STIM1: variants seen among roughly 807,000 people sequenced by gnomAD.
The protein encoded by STIM1 is stromal interaction molecule 1.
STIM1 carries 25 observed loss-of-function variants against 74.7 expected under a neutral mutation model. The ratio of observed to expected loss-of-function variants is 0.33; its 90% CI spans 0.24 to 0.47. The LOEUF (loss-of-function observed/expected upper bound fraction) is 0.47, where lower values mean the gene tolerates loss of function less well. Among genes scored for constraint, STIM1 ranks in the 20% least tolerant of loss-of-function variants. STIM1 has a pLI of 1.00. For synonymous variants in STIM1, 328 were observed against 348.8 expected (o/e 0.94, Z 0.66); for missense variants, 728 against 920.8 (o/e 0.79, Z 2.71).
intron 3 of STIM1, among the ~76,000 whole-genome samples, chr11:4,029,321 G>A (rs2094027280): frequency 6.6e-6 from 1 of 152,046 alleles, no homozygotes; most frequent in Non-Finnish European, 1.5e-5. Context: ...TAGTACAGCA[G>A]GTTCCTGAAT....
chr11:3,890,073 T>C (rs191112422), intron 1 of STIM1, among the ~76,000 whole-genome samples: 1 of 152,328 alleles, frequency 6.6e-6, no homozygotes, highest in African/African-American at 2.4e-5. Context: ...GACAGTTTCA[T>C]GAGTGTTACT....
At chr11:3,886,507 T>A (rs1281285034) in intron 1 of STIM1, among the ~76,000 whole-genome samples, 1 of 150,554 alleles carries the variant, frequency 6.6e-6, no homozygotes, top group African/African-American at 2.5e-5. Flanking sequence ...GATAACATGG[T>A]GAAACCCTGT....
At chr11:3,906,178 T>C (rs576486263) in intron 1 of STIM1, among the ~76,000 whole-genome samples, 6 of 152,376 alleles carry the variant, frequency 3.9e-5, no homozygotes, top group African/African-American at 1.4e-4. Context: ...ATTGCTGAGC[T>C]GTAGGATGCA....
rs556467467 is a variant in STIM1 at position 3,881,712 on chromosome 11, CT to C, written c.139+25304del. On this transcript the variant is annotated intron_variant, in intron 1 of 12. Transcript: ENST00000526596. ...TTTATTTATTTTTTTGAGATGGAAT[CT>C]CGCTCTGTAGCCCAGGCTGGAGTGC... Among the ~76,000 whole-genome samples, 411 of 151,840 alleles carry C rather than the reference CT, an allele frequency of 2.7e-3. 1 individual carries two copies. The highest frequency in any genetic ancestry group is 3.9e-3 in the Non-Finnish European group (266 of 67,950).
At chr11:3,994,923 A>G (rs2093650263) in intron 2 of STIM1, among the ~76,000 whole-genome samples, 1 of 152,062 alleles carries the variant, frequency 6.6e-6, no homozygotes, top group Non-Finnish European at 1.5e-5. Flanking sequence ...CAGATCTACT[A>G]TTTAGCCCCT....
In STIM1 at chr11:3,886,830, C is replaced by A. The variant is rs183357447; in HGVS notation, c.139+30421C>A. ...CATCCTGGATAACATGGTGAAACCC[C>A]GTCTTTACTAAAATACAAAAAATTA... is the stretch of plus-strand genomic sequence containing the variant. On this transcript the variant is annotated intron_variant, in intron 1 of 12. Coordinates refer to ENST00000526596, the MANE Select transcript of STIM1 (RefSeq NM_001382567.1). Among the ~76,000 whole-genome samples the A allele has an allele frequency of 3.3e-3, 493 of 151,432 alleles. 1 individual carries two copies. The highest frequency in any genetic ancestry group is 6.8e-3 in the Middle Eastern group (2 of 294).
chr11:3,994,779 G>T (rs1590630672), intron 2 of STIM1, among the ~76,000 whole-genome samples: 1 of 151,816 alleles, frequency 6.6e-6, no homozygotes, highest in African/African-American at 2.4e-5. Context: ...TTCATATATT[G>T]GTGTGATTAA....
At chr11:3,953,583 A>G (rs1201843384) in intron 1 of STIM1, among the ~76,000 whole-genome samples, 2 of 152,220 alleles carry the variant, frequency 1.3e-5, no homozygotes, top group African/African-American at 4.8e-5. Context: ...TTGCTGGCCA[A>G]CCTAGGGCAA....
chr11:4,071,723 C>T (rs766785453), intron 6 of STIM1, among the ~76,000 whole-genome samples: 4 of 152,192 alleles, frequency 2.6e-5, no homozygotes, highest in Admixed American at 6.5e-5. Flanking sequence ...TTGTTAAATA[C>T]TTAAATGCAT....
chr11:4,065,759 A>G (rs2094361448), intron 5 of STIM1, among the ~76,000 whole-genome samples: 1 of 152,186 alleles, frequency 6.6e-6, no homozygotes, highest in Non-Finnish European at 1.5e-5. Context: ...TTGTTGGGCT[A>G]TAACTAGAAG....
chr11:4,060,921 T>C (rs1488841438), intron 5 of STIM1, among the ~76,000 whole-genome samples: 3 of 152,200 alleles, frequency 2.0e-5, no homozygotes, highest in African/African-American at 4.8e-5. Flanking sequence ...TCTTAAAAGA[T>C]GAGAAGTGGC....
intron 1 of STIM1, among the ~76,000 whole-genome samples, chr11:3,951,558 G>C (rs12274576): frequency 0.073 from 11,145 of 152,132 alleles, 417 homozygotes; most frequent in Non-Finnish European, 0.088. Context: ...GGTGTGCCTG[G>C]TTCCTCAGTG....
intron 2 of STIM1, among the ~76,000 whole-genome samples, chr11:4,009,057 C>T (rs1365704050): frequency 7.3e-5 from 11 of 151,540 alleles, no homozygotes; most frequent in South Asian, 4.2e-4. Context: ...TTTGGGAGGC[C>T]GAGGCGGGCA....
chr11:4,070,893 G>T (rs944012612), intron 6 of STIM1, among the ~76,000 whole-genome samples: 2 of 136,442 alleles, frequency 1.5e-5, no homozygotes, highest in Non-Finnish European at 3.1e-5. Flanking sequence ...TGTGATGGCA[G>T]TTATGAGAAA....
At chr11:3,975,404 G>T (rs779420241) in intron 2 of STIM1, among the ~76,000 whole-genome samples, 13 of 152,226 alleles carry the variant, frequency 8.5e-5, no homozygotes, top group Admixed American at 1.3e-4. Context: ...ATCACTTGAG[G>T]TCAGGAGTTT....
intron 1 of STIM1, among the ~76,000 whole-genome samples, chr11:3,857,386 G>A (rs1420748490): frequency 6.6e-6 from 1 of 151,698 alleles, no homozygotes; most frequent in Non-Finnish European, 1.5e-5. Context: ...CGGTAGCTGG[G>A]ACTAAACACA....
chr11:4,003,914 A>G (rs1057445284), intron 2 of STIM1, among the ~76,000 whole-genome samples: 27 of 152,014 alleles, frequency 1.8e-4, no homozygotes, highest in Admixed American at 1.2e-3. Flanking sequence ...AAATCAATGT[A>G]CAAAAATCAC....
intron 3 of STIM1, among the ~76,000 whole-genome samples, chr11:4,034,631 T>C (rs2094083907): frequency 6.6e-6 from 1 of 152,198 alleles, no homozygotes; most frequent in Non-Finnish European, 1.5e-5. Flanking sequence ...AATGTTTGTC[T>C]CATAGGATGA....
chr11:3,866,505 C>A (rs1392507463), intron 1 of STIM1, among the ~76,000 whole-genome samples: 1 of 150,892 alleles, frequency 6.6e-6, no homozygotes, highest in Non-Finnish European at 1.5e-5. Flanking sequence ...TGGCTCACTG[C>A]AACTTCCGCC....
Sources: allele counts gnomAD v4.1 joint callset (sites outside exome capture counted in the v4.1 genomes callset), GRCh38; gene constraint gnomAD v4.1.1; transcripts MANE v1.5; gene names NCBI Gene and HGNC (gene_info 2026-07-23, HGNC 2026-07-21).